Variants in ZNF385D observed in about 807,000 individuals in gnomAD.
The protein encoded by ZNF385D is zinc finger protein 659.
A neutral mutation model predicts 35.8 loss-of-function variants in ZNF385D; 15 were observed. The observed-to-expected ratio is 0.42, with a 90% CI of 0.28 to 0.64. ZNF385D has a LOEUF of 0.64. Ranked by LOEUF, ZNF385D falls within the 30% of genes least tolerant of loss-of-function variation. The pLI is 0.23. For synonymous variants in ZNF385D, 212 were observed against 186.8 expected (o/e 1.13, Z -1.10); for missense variants, 474 against 494.6 (o/e 0.96, Z 0.39).
At chr3:21,888,462 T>G (rs1233104152) in intron 3 of ZNF385D, among the ~76,000 whole-genome samples, 1 of 152,060 alleles carries the variant, frequency 6.6e-6, no homozygotes, top group Non-Finnish European at 1.5e-5. Flanking sequence ...GGGTCAGGGA[T>G]TTCTCGTGGT....
chr3:21,849,387 GC>G (rs1241192769), intron 3 of ZNF385D, among the ~76,000 whole-genome samples: 7 of 152,016 alleles, frequency 4.6e-5, no homozygotes, highest in African/African-American at 7.2e-5. Flanking sequence ...TACATAGCAT[GC>G]TTTTCTGGTT....
intron 3 of ZNF385D, among the ~76,000 whole-genome samples, chr3:22,060,752 T>G (rs2125540899): frequency 6.6e-6 from 1 of 152,188 alleles, no homozygotes; most frequent in South Asian, 2.1e-4. Context: ...ACTGTTCAAC[T>G]AGAAAATAAG....
intron 2 of ZNF385D, among the ~76,000 whole-genome samples, chr3:22,235,285 A>C (rs965668177): frequency 5.9e-5 from 9 of 152,134 alleles, no homozygotes; most frequent in African/African-American, 2.2e-4. Flanking sequence ...CATTCATTTA[A>C]AACAGTAATG....
chr3:22,229,335 A>T (rs564244141), intron 2 of ZNF385D, among the ~76,000 whole-genome samples: 2 of 152,298 alleles, frequency 1.3e-5, no homozygotes, highest in Non-Finnish European at 2.9e-5. Context: ...TGCCACAGTC[A>T]CATTGTTCTG....
At chr3:22,182,577 G>A (rs1207009748) in intron 2 of ZNF385D, among the ~76,000 whole-genome samples, 1 of 151,692 alleles carries the variant, frequency 6.6e-6, no homozygotes, top group Admixed American at 6.6e-5. Context: ...TAGATACATT[G>A]ACTAATGTAT....
chr3:21,931,907 A>G (rs971022764), intron 3 of ZNF385D, among the ~76,000 whole-genome samples: 2 of 151,908 alleles, frequency 1.3e-5, no homozygotes, highest in Admixed American at 1.3e-4. Context: ...CACACCTGTA[A>G]TCCCAGCACT....
At chr3:21,844,210 G>A (rs7349551) in intron 3 of ZNF385D, among the ~76,000 whole-genome samples, 1 of 151,896 alleles carries the variant, frequency 6.6e-6, no homozygotes, top group Non-Finnish European at 1.5e-5. Flanking sequence ...TTACAAATTA[G>A]GAAATTCGTG....
chr3:21,578,007 G>T (rs531474333), intron 2 of ZNF385D, among the ~76,000 whole-genome samples: 1 of 151,722 alleles, frequency 6.6e-6, no homozygotes, highest in Non-Finnish European at 1.5e-5. Context: ...TAGAGACAGG[G>T]TTGTGCCACG....
intron 1 of ZNF385D, among the ~76,000 whole-genome samples, chr3:21,716,296 C>T (rs978040343): frequency 3.3e-5 from 5 of 152,144 alleles, no homozygotes; most frequent in African/African-American, 1.2e-4. Flanking sequence ...TCCTCAGAAA[C>T]TGCCAATACC....
chr3:22,034,583 A>G (rs1197253558), intron 3 of ZNF385D, among the ~76,000 whole-genome samples: 1 of 152,330 alleles, frequency 6.6e-6, no homozygotes, highest in East Asian at 1.9e-4. Context: ...AATATGTATT[A>G]ATATCATATA....
chr3:21,872,668 T>C (rs533637079), intron 3 of ZNF385D, among the ~76,000 whole-genome samples: 1 of 152,224 alleles, frequency 6.6e-6, no homozygotes, highest in South Asian at 2.1e-4. Flanking sequence ...CCATTTACAA[T>C]GTGGCAAAAT....
At chr3:21,894,165 GATTT>G (rs1699016842) in intron 3 of ZNF385D, among the ~76,000 whole-genome samples, 1 of 151,978 alleles carries the variant, frequency 6.6e-6, no homozygotes. Context: ...GATAATTTCT[GATTT>G]ATTTTCCTTT....
At chr3:21,433,940 C>G (rs1226521515) in intron 5 of ZNF385D, among the ~76,000 whole-genome samples, 1 of 152,122 alleles carries the variant, frequency 6.6e-6, no homozygotes, top group Admixed American at 6.6e-5. Flanking sequence ...AAGTTCATAA[C>G]AGTTCCAAAT....
At chr3:22,215,086 G>A (rs1478346405) in intron 2 of ZNF385D, among the ~76,000 whole-genome samples, 1 of 151,912 alleles carries the variant, frequency 6.6e-6, no homozygotes, top group Middle Eastern at 3.2e-3. Flanking sequence ...TGACACTTAA[G>A]GAATATAGAA....
intron 3 of ZNF385D, among the ~76,000 whole-genome samples, chr3:21,556,053 G>GTTTTTTTTTTTTT (rs1209768767): frequency 9.0e-6 from 1 of 110,788 alleles, no homozygotes; most frequent in African/African-American, 3.4e-5. Context: ...ACTTTTTGAC[G>GTTTTTTTTTTTTT]TTTTTTTTGT....
At chr3:21,993,899 T>G (rs1695304559) in intron 3 of ZNF385D, among the ~76,000 whole-genome samples, 2 of 152,204 alleles carry the variant, frequency 1.3e-5, no homozygotes, top group Admixed American at 6.5e-5. Context: ...TTCTGCTTTT[T>G]TCCAATGCCA....
At chr3:21,752,647 A>G (rs2070156409), upstream of ZNF385D, among the ~76,000 whole-genome samples, 1 of 152,076 alleles carries the variant, frequency 6.6e-6, no homozygotes. Flanking sequence ...GCAAATATAA[A>G]TCAGAAACAT....
At chr3:21,757,828 A>G (rs2070415415) in intron 3 of ZNF385D, among the ~76,000 whole-genome samples, 1 of 152,216 alleles carries the variant, frequency 6.6e-6, no homozygotes, top group Admixed American at 6.5e-5. Context: ...AACAGACTAG[A>G]CATAAAGGCA....
intron 2 of ZNF385D, among the ~76,000 whole-genome samples, chr3:22,222,297 C>T (rs1698306005): frequency 6.6e-6 from 1 of 151,498 alleles, no homozygotes. Flanking sequence ...CCATAAAAAA[C>T]ACATAGTCTT....
Sources: gnomAD v4.1 joint callset for allele counts (sites outside exome capture counted in the v4.1 genomes callset) on GRCh38, gnomAD v4.1.1 for gene constraint, MANE v1.5 for transcripts, NCBI Gene and HGNC (gene_info 2026-07-23, HGNC 2026-07-21) for gene names.